The following CYP4F22 variants were observed in gnomAD, a reference collection of about 807,000 sequenced individuals.
The protein encoded by CYP4F22 is ultra-long-chain fatty acid omega-hydroxylase.
A neutral mutation model predicts 60.4 loss-of-function variants in CYP4F22; 37 were observed. That is an observed-to-expected ratio of 0.61 (90% CI 0.47 to 0.81). The LOEUF is 0.81. Ranked by LOEUF, CYP4F22 falls within the 30% of genes least tolerant of loss-of-function variation. The pLI is 0.00. For synonymous variants in CYP4F22, 258 were observed against 280.5 expected, an observed-to-expected ratio of 0.92 and a Z score of 0.80; for missense variants, 655 against 715.0, an observed-to-expected ratio of 0.92 and a Z score of 0.96.
At chr19:15,509,841 A>T (rs1372282259) in intron 1 of CYP4F22, among the ~76,000 whole-genome samples, 4 of 147,606 alleles carry the variant, frequency 2.7e-5, no homozygotes, top group Non-Finnish European at 6.0e-5. Context: ...CATTCAGGGA[A>T]TGGGACCCAT....
intron 1 of CYP4F22, among the ~76,000 whole-genome samples, chr19:15,512,022 A>G (rs1478044765): frequency 1.3e-5 from 2 of 151,734 alleles, no homozygotes; most frequent in East Asian, 1.9e-4. Context: ...TGGACATGCC[A>G]GCCGCCCACA....
At chr19:15,544,102 C>A in intron 9 of CYP4F22, 48 bp from the exon 10 acceptor site, 3 of 1,614,168 alleles carry the variant, frequency 1.9e-6, no homozygotes, top group Non-Finnish European at 2.5e-6. Flanking sequence ...GACAGCATCT[C>A]TGCTTTCTTC....
chr19:15,511,392 G>A (rs532305898), intron 1 of CYP4F22, among the ~76,000 whole-genome samples: 11 of 152,040 alleles, frequency 7.2e-5, no homozygotes, highest in Non-Finnish European at 1.6e-4. Context: ...CCAGGACGGG[G>A]AGGTTGCAGT....
At chr19:15,512,989 C>T (rs900239221) in intron 1 of CYP4F22, among the ~76,000 whole-genome samples, 1 of 104,398 alleles carries the variant, frequency 9.6e-6, no homozygotes, top group Non-Finnish European at 2.1e-5. Context: ...GTCCTCAAAG[C>T]TTTTCTCTCT....
chr19:15,538,127 G>A (rs942213149), intron 7 of CYP4F22, 134 bp downstream of exon 7: 59 of 1,253,894 alleles, frequency 4.7e-5, no homozygotes, highest in Middle Eastern at 1.9e-4. Flanking sequence ...ATGTGCTTCC[G>A]GGAAACTGAC....
Position 15,525,515 on chromosome 19 carries a change from C to T in CYP4F22, c.179C>T (p.Pro60Leu). The stretch of plus-strand genomic sequence containing the variant: ...ACCTGCCGCCGGCTGCGCTGCTTCC[C>T]CCAGCCTCCCCGGCGCAACTGGCTG... ...YITCRRLRCF[P>L]QPPRRNWLLG... is the part of the protein sequence containing the mutation. Residue 60 changes from proline to leucine, a missense_variant, in exon 3 of 14, where the codon CCC becomes CTC. Physicochemically the swap from Pro to Leu is moderately conservative, Grantham distance 98. Around this residue, in one of 3 missense-constraint regions of CYP4F22, gnomAD observed 430 missense variants for 457.1 expected, o/e 0.94. Transcript: ENST00000269703. 6.2e-7 allele frequency: 1 copy of T among 1,612,452 alleles called. No individual in the cohort carries two copies. Among genetic ancestry groups the T allele is most frequent in the Non-Finnish European group, 8.5e-7 (1 of 1,179,896 alleles).
At chr19:15,543,120 G>A (rs1213751048) in intron 8 of CYP4F22, among the ~76,000 whole-genome samples, 2 of 152,128 alleles carry the variant, frequency 1.3e-5, no homozygotes, top group African/African-American at 4.8e-5. Context: ...GGTCTTTGAG[G>A]AATTGCCACA....
intron 3 of CYP4F22, 69 bp from the exon 4 acceptor site, chr19:15,529,640 G>A: frequency 1.3e-6 from 2 of 1,596,764 alleles, no homozygotes; most frequent in Non-Finnish European, 1.7e-6. Flanking sequence ...ACAGGAGGTG[G>A]CAGGAGGAAG....
intron 1 of CYP4F22, among the ~76,000 whole-genome samples, chr19:15,513,271 G>A (rs1311036979): frequency 6.6e-6 from 1 of 151,334 alleles, no homozygotes; most frequent in South Asian, 2.1e-4. Flanking sequence ...TGCCTCCCGA[G>A]TTCAAGCGAT....
chr19:15,529,808 G>A lies in CYP4F22; in HGVS notation c.322G>A (p.Val108Ile), dbSNP rs749026805. ...VWMGPVLPLL[V>I]LVHPDYIKPL... The stretch of plus-strand genomic sequence containing the variant: ...GATGGGACCTGTCCTGCCGCTGTTG[G>A]TTCTGGTGCACCCTGATTACATCAA... Residue 108 changes from valine (V) to isoleucine (I), a missense_variant, in exon 4 of 14, where the codon GTT (valine) becomes ATT (isoleucine). Coordinates refer to ENST00000269703, the MANE Select transcript of CYP4F22 (RefSeq NM_173483.4). 8 of 1,614,038 alleles carry A rather than the reference G, an allele frequency of 5.0e-6. No individual in the cohort carries two copies. In the African/African-American group the frequency reaches 9.3e-5, roughly 19 times the overall value.
In CYP4F22 at chr19:15,537,911, C is replaced by CT; in HGVS notation, c.591dup (p.Asp198Ter). On this transcript the variant is annotated frameshift_variant, in exon 7 of 14. Transcript: ENST00000269703. LOFTEE classifies it high-confidence loss of function. ...TCTGGCAGAGGGCTCAGCGGTCTCC[C>CT]TTGATATGTTTGAGCATATCAGCCT... The CT allele has an allele frequency of 6.2e-7, 1 of 1,614,184 alleles. No homozygotes were observed.
At chr19:15,513,911 C>T (rs140713146) in intron 1 of CYP4F22, among the ~76,000 whole-genome samples, 1 of 152,146 alleles carries the variant, frequency 6.6e-6, no homozygotes, top group Non-Finnish European at 1.5e-5. Context: ...TTAATAGTAT[C>T]GAGCACTCTG....
chr19:15,538,537 G>T (rs1281832583), intron 7 of CYP4F22, among the ~76,000 whole-genome samples: 1 of 152,174 alleles, frequency 6.6e-6, no homozygotes, highest in Non-Finnish European at 1.5e-5. Context: ...CCTACTACGT[G>T]CCTGGCACCA....
chr19:15,550,832 C>T (rs1599820233), intron 13 of CYP4F22, 76 bp downstream of exon 13: 1 of 1,552,398 alleles, frequency 6.4e-7, no homozygotes, highest in Admixed American at 1.7e-5. Context: ...ATGTGCCTCT[C>T]AGGAGCAGAG....
Position 15,529,807 on chromosome 19 carries a change from G to A in CYP4F22, c.321G>A (p.Leu107=). 9 of 1,614,166 alleles carry A rather than the reference G, an allele frequency of 5.6e-6. No homozygotes were observed. Among genetic ancestry groups the A allele is most frequent in the Non-Finnish European group, 5.1e-6 (6 of 1,180,040 alleles). The change falls in exon 4 of 14, where the codon TTG becomes TTA. Residue 107 remains leucine, a synonymous_variant. Transcript: ENST00000269703. ...LVWMGPVLPL[L]VLVHPDYIKP... ...GGATGGGACCTGTCCTGCCGCTGTT[G>A]GTTCTGGTGCACCCTGATTACATCA... is the stretch of plus-strand genomic sequence containing the variant.
Position 15,549,129 on chromosome 19 carries a change from TC to T in CYP4F22, c.1271-5del. 2 of 1,613,942 alleles carry T rather than the reference TC, an allele frequency of 1.2e-6. No individual in the cohort carries two copies. The highest frequency in any genetic ancestry group is 1.7e-6 in the Non-Finnish European group (2 of 1,179,960). Reference sequence around the variant, plus strand: ...CCCTTGGCCCCACTGATCCCATCTTTCCCCACAGGAATCATCTGCTTGGTCA... The same window carrying T: ...CCCTTGGCCCCACTGATCCCATCTTTCCCACAGGAATCATCTGCTTGGTCA... On this transcript the variant is annotated splice_polypyrimidine_tract_variant and splice_region_variant and intron_variant, in intron 11 of 13. Coordinates refer to ENST00000269703, the MANE Select transcript of CYP4F22 (RefSeq NM_173483.4).
intron 4 of CYP4F22, among the ~76,000 whole-genome samples, chr19:15,530,504 C>T (rs575189507): frequency 1.3e-5 from 2 of 152,280 alleles, no homozygotes; most frequent in South Asian, 4.1e-4. Context: ...TCTGGATCCT[C>T]AGTGTGGCCT....
rs761198340 is a variant in CYP4F22 at position 15,540,677 on chromosome 19, G to A, written c.899G>A (p.Gly300Glu). ...GAGGCCTGGCTTAAGGCCAAGCAGG[G>A]GAAGACCTTGGACTTTATTGATGTG... ...GAEAWLKAKQGKTLDFIDVLL... is the reference protein window; with the variant it reads ...GAEAWLKAKQEKTLDFIDVLL... Residue 300 changes from glycine to glutamate, a missense_variant, in exon 8 of 14, where the codon GGG becomes GAG. Coordinates refer to ENST00000269703, the MANE Select transcript of CYP4F22 (RefSeq NM_173483.4). 1 of 1,614,176 alleles carries A rather than the reference G, an allele frequency of 6.2e-7. No individual in the cohort carries two copies. Among genetic ancestry groups the A allele is most frequent in the South Asian group, 1.1e-5 (1 of 91,084 alleles).
intron 1 of CYP4F22, among the ~76,000 whole-genome samples, chr19:15,518,669 AGAAAC>A (rs1568354222): frequency 7.5e-5 from 11 of 145,890 alleles, no homozygotes; most frequent in Admixed American, 2.0e-4. Flanking sequence ...AAAAAAAAAA[AGAAAC>A]AAAACAAAAC....
Sources: allele counts gnomAD v4.1 joint callset (sites outside exome capture counted in the v4.1 genomes callset), GRCh38; gene constraint gnomAD v4.1.1; regional missense constraint gnomAD v4.1.1; transcripts MANE v1.5; gene names NCBI Gene and HGNC (gene_info 2026-07-23, HGNC 2026-07-21).